Variants in EPHA7 observed in about 807,000 individuals in gnomAD.
The protein encoded by EPHA7 is ephrin type-A receptor 7.
In EPHA7, 25 loss-of-function variants were observed where a neutral mutation model predicts 112.6. The observed-to-expected ratio is 0.22, with a 90% CI of 0.16 to 0.31. EPHA7 has a LOEUF of 0.31. EPHA7 is among the 10% of genes least tolerant of loss of function. EPHA7 has a pLI of 1.00. For missense variants in EPHA7, 962 were observed against 1,212.6 expected, an observed-to-expected ratio of 0.79 and a Z score of 3.07; for synonymous variants, 437 against 406.5, an observed-to-expected ratio of 1.07 and a Z score of -0.90.
rs972323977 is a variant in EPHA7 at position 93,411,614 on chromosome 6, C to G, written c.163-444G>C. On this transcript the variant is annotated intron_variant, in intron 2 of 16. Transcript: ENST00000369303. ...CTTACGATTACAGAGTACTTAAAAA[C>G]ATGAAGAAGAAAATGCCCACGGTAT... Among the ~76,000 whole-genome samples, 4 of 152,052 alleles carry G rather than the reference C, an allele frequency of 2.6e-5. No individual in the cohort carries two copies. The East Asian group carries it at 7.7e-4, about 29-fold the overall frequency.
chr6:93,289,074 C>G (rs1772218786), intron 5 of EPHA7, among the ~76,000 whole-genome samples: 1 of 151,466 alleles, frequency 6.6e-6, no homozygotes, highest in African/African-American at 2.5e-5. Flanking sequence ...AAATTTCCCT[C>G]TTGGATAGGA....
chr6:93,256,249 C>T (rs555475151), intron 12 of EPHA7, among the ~76,000 whole-genome samples: 2 of 151,854 alleles, frequency 1.3e-5, no homozygotes, highest in Admixed American at 1.3e-4. Flanking sequence ...GTTATTTATA[C>T]TAATTTGATA....
intron 3 of EPHA7, among the ~76,000 whole-genome samples, chr6:93,362,289 A>G (rs1776300530): frequency 6.6e-6 from 1 of 152,068 alleles, no homozygotes; most frequent in Admixed American, 6.6e-5. Flanking sequence ...ATTTACTGCA[A>G]TATATCTACT....
rs1413571523 is a variant in EPHA7, at chr6:93,414,633, C to G, written c.162+70G>C. 3.4e-6 allele frequency: 4 copies of G among 1,168,942 alleles called. No homozygotes were observed. The East Asian group carries it at 9.4e-5, about 28-fold the overall frequency. The allele number at this position is 1,168,942 out of a possible 1,614,324, so 72.4% of individuals were successfully genotyped here. Reference sequence around the variant, plus strand: ...TATACATGAAGAGTGTGAATAATTACCCTGGAGGGAAGGGAAACGTTTTGT... The same window carrying G: ...TATACATGAAGAGTGTGAATAATTAGCCTGGAGGGAAGGGAAACGTTTTGT... On this transcript the variant is annotated intron_variant, in intron 2 of 16. Transcript: ENST00000369303.
intron 5 of EPHA7, among the ~76,000 whole-genome samples, chr6:93,274,404 A>G (rs1203455856): frequency 1.3e-5 from 2 of 151,962 alleles, no homozygotes; most frequent in African/African-American, 4.8e-5. Context: ...CAAGTTATAC[A>G]CTAAAATTAC....
At chr6:93,363,292 T>A (rs1776345209) in intron 3 of EPHA7, among the ~76,000 whole-genome samples, 1 of 151,426 alleles carries the variant, frequency 6.6e-6, no homozygotes, top group African/African-American at 2.5e-5. Flanking sequence ...ATAAAATATC[T>A]CCCCTATAAC....
At chr6:93,382,864 T>C (rs1341258001) in intron 3 of EPHA7, among the ~76,000 whole-genome samples, 1 of 152,134 alleles carries the variant, frequency 6.6e-6, no homozygotes, top group Non-Finnish European at 1.5e-5. Flanking sequence ...ATCACTACCA[T>C]CACACACAGC....
Position 93,278,792 on chromosome 6 carries a change from T to C in EPHA7, c.1325-6370A>G, listed in dbSNP as rs72929162. 3.8e-3 allele frequency among the ~76,000 whole-genome samples: 576 copies of C among 152,116 alleles called. 2 individuals are homozygous for C. The highest frequency in any genetic ancestry group is 5.0e-3 in the Non-Finnish European group (343 of 67,938). ...AGCATCATCTCAGAGTCATATTTTTTATTTAATTCACGTTTTAAAGCCCTA... is the reference window on the plus strand; with the variant it reads ...AGCATCATCTCAGAGTCATATTTTTCATTTAATTCACGTTTTAAAGCCCTA... On this transcript the variant is annotated intron_variant, in intron 5 of 16. Transcript: ENST00000369303.
At chr6:93,395,235 G>T (rs1778108387) in intron 3 of EPHA7, among the ~76,000 whole-genome samples, 1 of 151,744 alleles carries the variant, frequency 6.6e-6, no homozygotes, top group African/African-American at 2.4e-5. Context: ...TTTTTGACTT[G>T]ATCTCTAACA....
At chr6:93,382,072 A>C (rs1446406928) in intron 3 of EPHA7, among the ~76,000 whole-genome samples, 1 of 152,196 alleles carries the variant, frequency 6.6e-6, no homozygotes, top group African/African-American at 2.4e-5. Context: ...AAGTTTAGAA[A>C]ACTTTGGATA....
Position 93,240,248 on chromosome 6 carries a change from T to TATAGC in EPHA7, c.*3173_*3177dup. On this transcript the variant is annotated 3_prime_UTR_variant, in exon 17 of 17. Transcript: ENST00000369303. ...CCGAGTTCCCCATGATTTCTCCACA[T>TATAGC]ATAGCAAAAAAATACACATCAGTAA... 4.5e-6 allele frequency: 1 copy of TATAGC among 224,366 alleles called. No homozygotes were observed. The highest frequency in any genetic ancestry group is 8.9e-6 in the Non-Finnish European group (1 of 112,600). The allele number at this position is 224,366 out of a possible 1,614,324, so 13.9% of individuals were successfully genotyped here.
intron 5 of EPHA7, among the ~76,000 whole-genome samples, chr6:93,289,657 T>C (rs1267480315): frequency 6.6e-6 from 1 of 152,126 alleles, no homozygotes; most frequent in African/African-American, 2.4e-5. Flanking sequence ...TAAGAAAGTA[T>C]GTAGAATAAT....
chr6:93,336,401 TTTG>T (rs1393309129), intron 5 of EPHA7, among the ~76,000 whole-genome samples: 4 of 152,018 alleles, frequency 2.6e-5, no homozygotes, highest in South Asian at 2.1e-4. Context: ...CCTTTTACAC[TTTG>T]TTGTTGTTGT....
chr6:93,278,083 G>A (rs1430301928), intron 5 of EPHA7, among the ~76,000 whole-genome samples: 2 of 152,022 alleles, frequency 1.3e-5, no homozygotes, highest in Non-Finnish European at 2.9e-5. Flanking sequence ...TGAGAATAAA[G>A]TTTTCTTCTT....
At chr6:93,263,196 A>G (rs1469667912) in intron 9 of EPHA7, among the ~76,000 whole-genome samples, 1 of 151,258 alleles carries the variant, frequency 6.6e-6, no homozygotes, top group Non-Finnish European at 1.5e-5. Context: ...AATAACAGTT[A>G]CTCTCAGTGC....
Position 93,394,295 on chromosome 6 carries a change from T to TTA in EPHA7, c.832+16204_832+16205dup, listed in dbSNP as rs201461648. Among the ~76,000 whole-genome samples the TTA allele has an allele frequency of 1.2e-3, 181 of 151,254 alleles. 4 individuals carry two copies. The East Asian group carries it at 0.025, about 21-fold the overall frequency. Reference sequence around the variant, plus strand: ...AAGCTACAACTCAAATACGCACCTTTTATATATATATATCATAACTAAATC... The same window carrying TTA: ...AAGCTACAACTCAAATACGCACCTTTTATATATATATATATCATAACTAAATC... On this transcript the variant is annotated intron_variant, in intron 3 of 16. Coordinates refer to ENST00000369303, the MANE Select transcript of EPHA7 (RefSeq NM_004440.4).
chr6:93,247,050 C>A, intron 14 of EPHA7, 65 bp from the exon 15 acceptor site: 1 of 1,389,730 alleles, frequency 7.2e-7, no homozygotes, highest in Non-Finnish European at 9.7e-7. Flanking sequence ...ACCAAATTTC[C>A]TGGTAGGCAA....
At chr6:93,261,138 A>G (rs1177417543) in intron 9 of EPHA7, among the ~76,000 whole-genome samples, 1 of 151,588 alleles carries the variant, frequency 6.6e-6, no homozygotes, top group Non-Finnish European at 1.5e-5. Flanking sequence ...ATTTGAAGAC[A>G]TTGTTAGAAG....
At chr6:93,403,189 A>G (rs1037480621) in intron 3 of EPHA7, among the ~76,000 whole-genome samples, 1 of 152,106 alleles carries the variant, frequency 6.6e-6, no homozygotes, top group Non-Finnish European at 1.5e-5. Context: ...AAGAAATTCA[A>G]TTAATTGCAT....
Sources: gnomAD v4.1 joint callset for allele counts (sites outside exome capture counted in the v4.1 genomes callset) on GRCh38, gnomAD v4.1.1 for gene constraint, MANE v1.5 for transcripts, NCBI Gene and HGNC (gene_info 2026-07-23, HGNC 2026-07-21) for gene names.